The following SMYD3 variants were observed in gnomAD, a reference collection of about 807,000 sequenced individuals.
SMYD3 encodes the protein histone-lysine N-methyltransferase SMYD3.
SMYD3 carries 36 observed loss-of-function variants against 57.7 expected under a neutral mutation model. That is an observed-to-expected ratio of 0.62 (90% confidence interval 0.48 to 0.82). The LOEUF (loss-of-function observed/expected upper bound fraction) is 0.82, where lower values mean the gene tolerates loss of function less well. Among genes scored for constraint, SMYD3 ranks in the 40% least tolerant of loss-of-function variants. SMYD3 has a pLI of 0.00. For missense variants in SMYD3, 515 were observed against 538.8 expected (o/e 0.96, Z 0.44); for synonymous variants, 211 against 195.0 (o/e 1.08, Z -0.68).
chr1:245,973,238 A>C (rs925949524), intron 5 of SMYD3, among the ~76,000 whole-genome samples: 8 of 152,236 alleles, frequency 5.3e-5, no homozygotes, highest in Non-Finnish European at 1.0e-4. Context: ...ACTTAGCTAA[A>C]ACAGCCATCA....
At chr1:246,404,518 T>C (rs1385703547) in intron 1 of SMYD3, among the ~76,000 whole-genome samples, 1 of 152,230 alleles carries the variant, frequency 6.6e-6, no homozygotes. Context: ...ATATGTATTA[T>C]GTCTATATCT....
At chr1:245,977,418 C>G (rs1572832094) in intron 5 of SMYD3, among the ~76,000 whole-genome samples, 1 of 152,210 alleles carries the variant, frequency 6.6e-6, no homozygotes, top group Non-Finnish European at 1.5e-5. Flanking sequence ...GTGGCTCACA[C>G]CTGTAATCCC....
chr1:246,045,003 C>T (rs923760959), intron 5 of SMYD3, among the ~76,000 whole-genome samples: 3 of 152,164 alleles, frequency 2.0e-5, no homozygotes, highest in South Asian at 2.1e-4. Context: ...AATGGAAGAG[C>T]ATTCCATGCT....
rs1310414429 is a variant in SMYD3 at position 246,202,290 on chromosome 1, T to A, written c.531+124911A>T. Among the ~76,000 whole-genome samples, 1 of 152,234 alleles carries A rather than the reference T, an allele frequency of 6.6e-6. No individual in the cohort carries two copies. Among genetic ancestry groups the A allele is most frequent in the Non-Finnish European group, 1.5e-5 (1 of 68,038 alleles). Reference sequence around the variant, plus strand: ...CTGCCTTAAAAATCCATTTTTCTCATAAATAAATTTGAACACATTTGATCC... The same window carrying A: ...CTGCCTTAAAAATCCATTTTTCTCAAAAATAAATTTGAACACATTTGATCC... On this transcript the variant is annotated intron_variant, in intron 5 of 11. Coordinates refer to ENST00000490107, the MANE Select transcript of SMYD3 (RefSeq NM_001167740.2). The surrounding 1 kb of genome is among the most constrained non-coding windows in gnomAD (Gnocchi z 4.1).
chr1:246,489,522 T>C (rs2068237268), intron 1 of SMYD3, among the ~76,000 whole-genome samples: 9 of 152,024 alleles, frequency 5.9e-5, no homozygotes, highest in Admixed American at 5.9e-4. Context: ...GTTAAACAAC[T>C]AAGGAGAAAG....
At chr1:246,134,803 C>G (rs1022116222) in intron 5 of SMYD3, among the ~76,000 whole-genome samples, 4 of 107,882 alleles carry the variant, frequency 3.7e-5, no homozygotes, top group African/African-American at 1.0e-4. Context: ...TTTCTTCCCC[C>G]CCCTGCCGCT....
chr1:246,097,700 G>A (rs534699882), intron 5 of SMYD3, among the ~76,000 whole-genome samples: 8 of 151,888 alleles, frequency 5.3e-5, no homozygotes, highest in African/African-American at 1.9e-4. Context: ...AATACCTTCT[G>A]CTTCGTGACC....
chr1:245,971,524 C>CTA (rs1238595478), intron 5 of SMYD3, among the ~76,000 whole-genome samples: 1 of 152,170 alleles, frequency 6.6e-6, no homozygotes, highest in Non-Finnish European at 1.5e-5. Flanking sequence ...TTTATACAAT[C>CTA]TATTAAGAGA....
At chr1:246,447,661 A>C (rs1460448311) in intron 1 of SMYD3, among the ~76,000 whole-genome samples, 2 of 152,206 alleles carry the variant, frequency 1.3e-5, no homozygotes, top group Non-Finnish European at 2.9e-5. Context: ...AGCTAGCAGG[A>C]CACACACACC....
chr1:246,447,610 T>C (rs1225958499), intron 1 of SMYD3, among the ~76,000 whole-genome samples: 1 of 152,236 alleles, frequency 6.6e-6, no homozygotes, highest in African/African-American at 2.4e-5. Flanking sequence ...CCAATATTTC[T>C]TTTTCAGTCT....
At chr1:246,432,040 A>C (rs2067302987) in intron 1 of SMYD3, among the ~76,000 whole-genome samples, 1 of 152,222 alleles carries the variant, frequency 6.6e-6, no homozygotes, top group African/African-American at 2.4e-5. Flanking sequence ...TAAAAATCTC[A>C]CTGAATAATT....
intron 1 of SMYD3, among the ~76,000 whole-genome samples, chr1:246,397,127 G>A (rs748048540): frequency 1.3e-5 from 2 of 152,186 alleles, no homozygotes; most frequent in Non-Finnish European, 2.9e-5. Context: ...CTGGCTGCAC[G>A]ACAGGAGGTG....
intron 1 of SMYD3, among the ~76,000 whole-genome samples, chr1:246,505,279 T>C (rs1300483063): frequency 7.2e-6 from 1 of 137,954 alleles, no homozygotes. Flanking sequence ...AAAGGCTAAA[T>C]ACCGTCTCAA....
intron 10 of SMYD3, among the ~76,000 whole-genome samples, chr1:245,803,133 T>C (rs542040430): frequency 6.6e-6 from 1 of 152,292 alleles, no homozygotes; most frequent in East Asian, 1.9e-4. Context: ...AATTTAATGG[T>C]GAAATTCCGG....
chr1:245,874,327 A>G (rs1427371882), intron 8 of SMYD3, among the ~76,000 whole-genome samples: 1 of 152,252 alleles, frequency 6.6e-6, no homozygotes, highest in Non-Finnish European at 1.5e-5. Context: ...GTATTTGCTT[A>G]TCTGCTAAAG....
intron 5 of SMYD3, among the ~76,000 whole-genome samples, chr1:246,122,600 C>T (rs1164041461): frequency 6.6e-6 from 1 of 152,140 alleles, no homozygotes; most frequent in African/African-American, 2.4e-5. Flanking sequence ...CCCTAGTTGC[C>T]AAGTAATTTT....
intron 8 of SMYD3, among the ~76,000 whole-genome samples, chr1:245,895,149 A>G (rs910334828): frequency 2.7e-5 from 4 of 147,136 alleles, no homozygotes; most frequent in Non-Finnish European, 4.5e-5. Flanking sequence ...TGTGATTATG[A>G]AGTCAGTAAC....
chr1:246,022,759 T>A (rs1458297784), intron 5 of SMYD3, among the ~76,000 whole-genome samples: 2 of 152,180 alleles, frequency 1.3e-5, no homozygotes, highest in Non-Finnish European at 2.9e-5. Context: ...CTGGGACACA[T>A]ACCAAATTGT....
At chr1:246,393,659 C>T (rs919314103) in intron 1 of SMYD3, among the ~76,000 whole-genome samples, 32 of 123,030 alleles carry the variant, frequency 2.6e-4, no homozygotes, top group Middle Eastern at 5.4e-3. Context: ...AGCAACATAG[C>T]GTGACCCCCA....
Sources: gnomAD v4.1 joint callset for allele counts (sites outside exome capture counted in the v4.1 genomes callset) on GRCh38, gnomAD v4.1.1 for gene constraint, Gnocchi (gnomAD v3.1) non-coding constraint, MANE v1.5 for transcripts, NCBI Gene and HGNC (gene_info 2026-07-23, HGNC 2026-07-21) for gene names.